Variants in ENOX1 observed in about 807,000 individuals in gnomAD.
ENOX1 encodes candidate growth-related and time keeping constitutive hydroquinone (NADH) oxidase.
Under a neutral mutation model 82.5 loss-of-function variants are expected in ENOX1, and 42 were observed. That is an observed-to-expected ratio of 0.51 (90% confidence interval 0.40 to 0.66). The LOEUF is 0.66. ENOX1 is among the 30% of genes least tolerant of loss of function. The probability of loss-of-function intolerance (pLI) is 0.00; values close to 1 mark genes in which losing one functional copy is unlikely to be tolerated. For synonymous variants in ENOX1, 271 were observed against 282.2 expected, an observed-to-expected ratio of 0.96 and a Z score of 0.40; for missense variants, 608 against 811.6, an observed-to-expected ratio of 0.75 and a Z score of 3.05.
intron 3 of ENOX1, among the ~76,000 whole-genome samples, chr13:43,477,699 G>A (rs1342246860): frequency 6.6e-6 from 1 of 152,044 alleles, no homozygotes; most frequent in Non-Finnish European, 1.5e-5. Context: ...CTATTTATTT[G>A]AGTTACTCTT....
chr13:43,608,110 C>G (rs2082049763), intron 2 of ENOX1, among the ~76,000 whole-genome samples: 1 of 152,132 alleles, frequency 6.6e-6, no homozygotes, highest in Non-Finnish European at 1.5e-5. Context: ...AGAAACATAT[C>G]CTCTTCACTA....
At chr13:43,338,746 C>T (rs528458330) in intron 9 of ENOX1, among the ~76,000 whole-genome samples, 34 of 127,232 alleles carry the variant, frequency 2.7e-4, no homozygotes, top group African/African-American at 7.7e-4. Flanking sequence ...AGTGCAGTGG[C>T]GCCATCTCGG....
At chr13:43,653,972 A>C (rs1284757477) in intron 2 of ENOX1, among the ~76,000 whole-genome samples, 1 of 152,124 alleles carries the variant, frequency 6.6e-6, no homozygotes, top group Non-Finnish European at 1.5e-5. Flanking sequence ...AATGCAGCTG[A>C]CTCTGCTCTT....
intron 2 of ENOX1, among the ~76,000 whole-genome samples, chr13:43,522,178 G>T (rs2077799475): frequency 6.6e-6 from 1 of 152,016 alleles, no homozygotes; most frequent in African/African-American, 2.4e-5. Flanking sequence ...ATGAGTCTTG[G>T]ATTAGCTAGA....
At chr13:43,711,200 T>G (rs1042425565) in intron 1 of ENOX1, among the ~76,000 whole-genome samples, 5 of 151,728 alleles carry the variant, frequency 3.3e-5, no homozygotes, top group African/African-American at 9.7e-5. Context: ...ATAGTTTGCT[T>G]AGAATGATGG....
chr13:43,716,337 T>C (rs1010702692), intron 1 of ENOX1, among the ~76,000 whole-genome samples: 5 of 152,174 alleles, frequency 3.3e-5, no homozygotes, highest in African/African-American at 1.2e-4. Context: ...CAGACCCTGT[T>C]TGCCTGGGTA....
chr13:43,635,093 TA>T (rs2083363627), intron 2 of ENOX1, among the ~76,000 whole-genome samples: 1 of 151,986 alleles, frequency 6.6e-6, no homozygotes, highest in South Asian at 2.1e-4. Flanking sequence ...AGGAAAGCAT[TA>T]ACGAACACAG....
chr13:43,522,053 G>T (rs538050332), intron 2 of ENOX1, among the ~76,000 whole-genome samples: 5 of 152,234 alleles, frequency 3.3e-5, no homozygotes, highest in African/African-American at 1.2e-4. Flanking sequence ...GGATATCAAG[G>T]TGGGCTCACT....
chr13:43,472,179 G>A (rs2146673), intron 3 of ENOX1, among the ~76,000 whole-genome samples: 55,437 of 151,862 alleles, frequency 0.37, 12,078 homozygotes, highest in Non-Finnish European at 0.5. Flanking sequence ...GCCAATATAT[G>A]TAAAAAACAG....
rs79036421 is a variant in ENOX1, at chr13:43,605,074, T to C, written c.-219+62405A>G. 6.5e-3 allele frequency among the ~76,000 whole-genome samples: 995 copies of C among 152,160 alleles called. 8 individuals carry two copies. Among genetic ancestry groups the C allele is most frequent in the African/African-American group, 0.023 (964 of 41,526 alleles). ...ATTTCACAAAAATGTGAAAGATATC[T>C]ACAATGAAATAAAATACATAAAAAT... is the stretch of plus-strand genomic sequence containing the variant. On this transcript the variant is annotated intron_variant, in intron 2 of 16. Transcript: ENST00000690772.
At position 43,528,992 on chromosome 13, in the gene ENOX1, T is replaced by C. The variant is rs540572422; in HGVS notation, c.-218-44840A>G. Among the ~76,000 whole-genome samples the C allele has an allele frequency of 4.5e-4, 69 of 152,164 alleles. 1 individual carries two copies. Among genetic ancestry groups the C allele is most frequent in the African/African-American group, 1.5e-3 (64 of 41,540 alleles). On this transcript the variant is annotated intron_variant, in intron 2 of 16. Coordinates refer to ENST00000690772, the MANE Select transcript of ENOX1 (RefSeq NM_001347969.2). ...TCAATTTCTCAAGTAATAATATTAA[T>C]AATGATAACAGAAGCTAATATACGT... is the stretch of plus-strand genomic sequence containing the variant.
chr13:43,377,682 C>A (rs2051737836), intron 5 of ENOX1, among the ~76,000 whole-genome samples: 1 of 152,078 alleles, frequency 6.6e-6, no homozygotes, highest in African/African-American at 2.4e-5. Flanking sequence ...TTTTTGCATA[C>A]CTTATTTAAT....
At chr13:43,380,316 A>T (rs896167547) in intron 5 of ENOX1, among the ~76,000 whole-genome samples, 2 of 151,844 alleles carry the variant, frequency 1.3e-5, no homozygotes, top group African/African-American at 4.8e-5. Flanking sequence ...TTGCCTGAAA[A>T]GAGCAAAAAT....
At chr13:43,225,509 T>G (rs1017878671) in intron 15 of ENOX1, among the ~76,000 whole-genome samples, 1 of 152,202 alleles carries the variant, frequency 6.6e-6, no homozygotes, top group Non-Finnish European at 1.5e-5. Flanking sequence ...AATCTGAGGG[T>G]AAGCCTTCAT....
At chr13:43,252,105 C>A (rs2043492335) in intron 14 of ENOX1, among the ~76,000 whole-genome samples, 1 of 152,150 alleles carries the variant, frequency 6.6e-6, no homozygotes, top group Non-Finnish European at 1.5e-5. Flanking sequence ...TTCTGCAAGT[C>A]TCAAACATAA....
chr13:43,484,215 T>C, intron 2 of ENOX1, 63 bp from the exon 3 acceptor site: 1 of 885,582 alleles, frequency 1.1e-6, no homozygotes, highest in Non-Finnish European at 1.4e-6. Context: ...CCTGTAATGG[T>C]ATTATTATCA....
chr13:43,554,831 CA>C (rs1417835717), intron 2 of ENOX1, among the ~76,000 whole-genome samples: 1 of 152,196 alleles, frequency 6.6e-6, no homozygotes. Flanking sequence ...CCATCTGCTT[CA>C]GCCTCTCAAA....
intron 5 of ENOX1, among the ~76,000 whole-genome samples, chr13:43,395,194 T>C (rs2053062986): frequency 6.6e-6 from 1 of 152,218 alleles, no homozygotes; most frequent in Non-Finnish European, 1.5e-5. Context: ...TTCACTACTG[T>C]GGGGCAGATC....
chr13:43,623,774 T>A (rs2082849954), intron 2 of ENOX1, among the ~76,000 whole-genome samples: 1 of 152,184 alleles, frequency 6.6e-6, no homozygotes, highest in African/African-American at 2.4e-5. Flanking sequence ...TCCTTTTCAT[T>A]GTTGAACACT....
Sources: gnomAD v4.1 joint callset for allele counts (sites outside exome capture counted in the v4.1 genomes callset) on GRCh38, gnomAD v4.1.1 for gene constraint, MANE v1.5 for transcripts, NCBI Gene and HGNC (gene_info 2026-07-23, HGNC 2026-07-21) for gene names.